SYNPR: variants seen among roughly 807,000 people sequenced by gnomAD.
The protein encoded by SYNPR is synaptoporin.
SYNPR carries 23 observed loss-of-function variants against 32.9 expected under a neutral mutation model. That is an observed-to-expected ratio of 0.70 (90% CI 0.50 to 0.99). The LOEUF (loss-of-function observed/expected upper bound fraction) is 0.99. Among genes scored for constraint, SYNPR ranks in the 50% least tolerant of loss-of-function variants. SYNPR has a pLI of 0.00. For synonymous variants in SYNPR, 146 were observed against 135.9 expected (o/e 1.07, Z -0.52); for missense variants, 318 against 349.3 (o/e 0.91, Z 0.71).
intron 2 of SYNPR, among the ~76,000 whole-genome samples, chr3:63,455,831 T>C (rs571886907): frequency 6.0e-5 from 9 of 151,176 alleles, no homozygotes; most frequent in African/African-American, 2.2e-4. Flanking sequence ...TGCTTTATCC[T>C]GTTCCCGTTA....
intron 2 of SYNPR, among the ~76,000 whole-genome samples, chr3:63,314,358 A>G (rs1336958783): frequency 1.3e-5 from 2 of 151,612 alleles, no homozygotes; most frequent in East Asian, 3.9e-4. Context: ...TTCCCTGTTC[A>G]CTGCATCCAT....
chr3:63,592,783 A>G (rs1699861419), intron 4 of SYNPR, among the ~76,000 whole-genome samples: 1 of 152,082 alleles, frequency 6.6e-6, no homozygotes, highest in African/African-American at 2.4e-5. Context: ...ATACTTTTCT[A>G]TATTGTATTT....
chr3:63,595,032 C>T lies in SYNPR; in HGVS notation c.409-14093C>T, dbSNP rs72889245. On this transcript the variant is annotated intron_variant, in intron 4 of 5. Transcript: ENST00000478300. ...TGTGGAGCCTCCAGCTCTTGGATGT[C>T]GGAAAGAAAAACTGAGGTAGGGTGT... is the stretch of plus-strand genomic sequence containing the variant. Among the ~76,000 whole-genome samples the T allele has an allele frequency of 3.5e-3, 528 of 152,140 alleles. 4 individuals are homozygous for T. The highest frequency in any genetic ancestry group is 0.012 in the African/African-American group (500 of 41,504).
chr3:63,253,348 C>T (rs1340743684), intron 2 of SYNPR, among the ~76,000 whole-genome samples: 1 of 152,102 alleles, frequency 6.6e-6, no homozygotes, highest in Non-Finnish European at 1.5e-5. Flanking sequence ...GAAACAATGT[C>T]ATATCCTCCA....
At chr3:63,262,483 C>T (rs899426459) in intron 2 of SYNPR, among the ~76,000 whole-genome samples, 4 of 152,136 alleles carry the variant, frequency 2.6e-5, no homozygotes, top group African/African-American at 9.7e-5. Context: ...GGCATTAACT[C>T]CCCTGCACTT....
chr3:63,316,957 T>C (rs1199615449), intron 2 of SYNPR, among the ~76,000 whole-genome samples: 2 of 152,004 alleles, frequency 1.3e-5, no homozygotes, highest in Non-Finnish European at 2.9e-5. Context: ...ATTCAAATAA[T>C]TTTTAAATTT....
chr3:63,531,126 G>A (rs1453790813), intron 3 of SYNPR, among the ~76,000 whole-genome samples: 1 of 152,164 alleles, frequency 6.6e-6, no homozygotes, highest in Non-Finnish European at 1.5e-5. Context: ...GCACATAGTG[G>A]ACCGCGATGC....
At chr3:63,495,830 A>AT (rs984091968) in intron 3 of SYNPR, among the ~76,000 whole-genome samples, 4 of 152,056 alleles carry the variant, frequency 2.6e-5, no homozygotes, top group Non-Finnish European at 1.5e-5. Flanking sequence ...GGAGCACAGG[A>AT]TTTTTTTAAG....
intron 3 of SYNPR, among the ~76,000 whole-genome samples, chr3:63,514,424 G>A (rs1484272127): frequency 6.6e-6 from 1 of 152,160 alleles, no homozygotes; most frequent in African/African-American, 2.4e-5. Flanking sequence ...TCTGCCTGTT[G>A]TCCCTGCTGG....
chr3:63,361,173 A>G (rs2087654718), intron 2 of SYNPR, among the ~76,000 whole-genome samples: 1 of 152,196 alleles, frequency 6.6e-6, no homozygotes. Flanking sequence ...ATGCTGGGTT[A>G]TATGCCCATC....
intron 2 of SYNPR, among the ~76,000 whole-genome samples, chr3:63,291,656 C>T (rs2086739924): frequency 6.6e-6 from 1 of 151,930 alleles, no homozygotes; most frequent in African/African-American, 2.4e-5. Context: ...CCACCATTCA[C>T]CCAGGAGATG....
chr3:63,355,707 C>G (rs1415425286), intron 2 of SYNPR, among the ~76,000 whole-genome samples: 1 of 152,034 alleles, frequency 6.6e-6, no homozygotes, highest in African/African-American at 2.4e-5. Context: ...TACTCTGGCC[C>G]CCCCAGCCAG....
rs141974455 is a variant in SYNPR, at chr3:63,380,169, G to A, written c.85-100663G>A. On this transcript the variant is annotated intron_variant, in intron 2 of 5. Coordinates refer to ENST00000478300, the MANE Select transcript of SYNPR (RefSeq NM_001130003.2). ...ACATACATCCGCATGTGTCTTTATAGCAGCATGATTTATAATCGTTTGGGT... is the reference window on the plus strand; with the variant it reads ...ACATACATCCGCATGTGTCTTTATAACAGCATGATTTATAATCGTTTGGGT... 8.2e-3 allele frequency among the ~76,000 whole-genome samples: 1,250 copies of A among 152,226 alleles called. 27 individuals carry two copies. The highest frequency in any genetic ancestry group is 0.028 in the African/African-American group (1,180 of 41,524).
At chr3:63,474,348 G>T (rs1553639599) in intron 2 of SYNPR, among the ~76,000 whole-genome samples, 1 of 152,216 alleles carries the variant, frequency 6.6e-6, no homozygotes, top group Non-Finnish European at 1.5e-5. Flanking sequence ...TCTTTGGTGT[G>T]TATGAGGACT....
intron 2 of SYNPR, among the ~76,000 whole-genome samples, chr3:63,279,055 C>G (rs781194251): frequency 6.6e-6 from 1 of 152,060 alleles, no homozygotes; most frequent in Admixed American, 6.5e-5. Flanking sequence ...GGGAGGGGGG[C>G]GCATGGAAGG....
chr3:63,343,119 G>T (rs929639994), intron 2 of SYNPR, among the ~76,000 whole-genome samples: 1 of 152,098 alleles, frequency 6.6e-6, no homozygotes, highest in African/African-American at 2.4e-5. Flanking sequence ...GACAAGTTTG[G>T]CATATTTGAG....
chr3:63,201,597 A>G, the SYNPR span, among the ~76,000 whole-genome samples: 4,187 of 152,276 alleles, frequency 0.027, 74 homozygotes, highest in Non-Finnish European at 0.043. Context: ...TACCTGCTTT[A>G]TATTTACAGA....
At chr3:63,232,170 AAGTG>A (rs2086171209) in intron 1 of SYNPR, among the ~76,000 whole-genome samples, 1 of 148,348 alleles carries the variant, frequency 6.7e-6, no homozygotes, top group Non-Finnish European at 1.5e-5. Context: ...GGGCTGTCTC[AAGTG>A]AGTATTTCAG....
intron 2 of SYNPR, among the ~76,000 whole-genome samples, chr3:63,264,625 G>C (rs1357629077): frequency 6.6e-6 from 1 of 152,188 alleles, no homozygotes; most frequent in Non-Finnish European, 1.5e-5. Context: ...GTGGTAGCCT[G>C]ACATTCAACA....
Sources: gnomAD v4.1 joint callset for allele counts (sites outside exome capture counted in the v4.1 genomes callset) on GRCh38, gnomAD v4.1.1 for gene constraint, MANE v1.5 for transcripts, NCBI Gene and HGNC (gene_info 2026-07-23, HGNC 2026-07-21) for gene names.